USP8: variants seen among roughly 807,000 people sequenced by gnomAD.
USP8 encodes the protein ubiquitin specific peptidase 8, also known as ubiquitin carboxyl-terminal hydrolase 8.
Under a neutral mutation model 130.0 loss-of-function variants are expected in USP8, and 27 were observed. The ratio of observed to expected loss-of-function variants is 0.21; its 90% CI spans 0.15 to 0.29. The LOEUF (loss-of-function observed/expected upper bound fraction) is 0.29. Among genes scored for constraint, USP8 ranks in the 10% least tolerant of loss-of-function variants. USP8 has a pLI of 1.00. For missense variants in USP8, 1,029 were observed against 1,312.2 expected (o/e 0.78, Z 3.33); for synonymous variants, 392 against 444.1 (o/e 0.88, Z 1.48).
chr15:50,495,132 C>G (rs746516452), intron 16 of USP8, among the ~76,000 whole-genome samples: 1 of 151,480 alleles, frequency 6.6e-6, no homozygotes, highest in Non-Finnish European at 1.5e-5. Flanking sequence ...ACTACAACTT[C>G]TTTTTAGCAC....
chr15:50,496,704 T>G (rs549640747), intron 17 of USP8, among the ~76,000 whole-genome samples: 38 of 152,328 alleles, frequency 2.5e-4, no homozygotes, highest in African/African-American at 9.1e-4. Flanking sequence ...TTCATAAGCA[T>G]TTGCTTTACA....
intron 3 of USP8, among the ~76,000 whole-genome samples, chr15:50,445,568 A>AAAAAAAAAAAAAAAAAAAT (rs1248390470): frequency 8.9e-6 from 1 of 112,788 alleles, no homozygotes; most frequent in Non-Finnish European, 1.8e-5. Flanking sequence ...AAAAAAAAAA[A>AAAAAAAAAAAAAAAAAAAT]AGCCTGGGCA....
chr15:50,494,888 G>T (rs2052314887), intron 16 of USP8, among the ~76,000 whole-genome samples: 1 of 152,074 alleles, frequency 6.6e-6, no homozygotes, highest in Non-Finnish European at 1.5e-5. Flanking sequence ...AGTGGCATGT[G>T]CCTGTAATCC....
Position 50,484,265 on chromosome 15 carries a change from A to G in USP8, c.1804-10A>G. 6.3e-7 allele frequency: 1 copy of G among 1,595,920 alleles called. No individual in the cohort carries two copies. The highest frequency in any genetic ancestry group is 8.5e-7 in the Non-Finnish European group (1 of 1,172,062). The stretch of plus-strand genomic sequence containing the variant: ...TTTCTTTCACTTCTGTAATTTTAAT[A>G]ATTTTACAGCCATTTAAGATTAAAG... On this transcript the variant is annotated splice_polypyrimidine_tract_variant and intron_variant, in intron 11 of 19. Coordinates refer to ENST00000307179, the MANE Select transcript of USP8 (RefSeq NM_005154.5).
At chr15:50,433,994 G>T (rs2050016281) in intron 1 of USP8, among the ~76,000 whole-genome samples, 1 of 151,698 alleles carries the variant, frequency 6.6e-6, no homozygotes, top group African/African-American at 2.4e-5. Context: ...TCTTTGTCAG[G>T]TTTACACATC....
intron 5 of USP8, among the ~76,000 whole-genome samples, chr15:50,461,869 G>A (rs1298357469): frequency 6.6e-6 from 1 of 150,614 alleles, no homozygotes; most frequent in East Asian, 2.0e-4. Context: ...AAAAAAAAAT[G>A]TAAACTACAT....
At chr15:50,425,037 G>T (rs2049664949) in intron 1 of USP8, among the ~76,000 whole-genome samples, 1 of 151,428 alleles carries the variant, frequency 6.6e-6, no homozygotes, top group Non-Finnish European at 1.5e-5. Context: ...TCCTAGAGTT[G>T]TGGGACAAGT....
At chr15:50,447,607 G>T (rs1309721862) in intron 3 of USP8, among the ~76,000 whole-genome samples, 1 of 151,108 alleles carries the variant, frequency 6.6e-6, no homozygotes, top group Non-Finnish European at 1.5e-5. Flanking sequence ...TTGTTGCCCG[G>T]GGTAGAGTAC....
rs1381693745 is a variant in USP8, at chr15:50,471,695, G to C, written c.749G>C (p.Arg250Thr). 1 of 1,614,032 alleles carries C rather than the reference G, an allele frequency of 6.2e-7. No homozygotes were observed. The highest frequency in any genetic ancestry group is 8.5e-7 in the Non-Finnish European group (1 of 1,179,984). Residue 250 changes from arginine (R) to threonine (T), a missense_variant, in exon 8 of 20, where the codon AGG (arginine) becomes ACG (threonine). This residue lies in a region of USP8 where 281 missense variants were observed against 336.7 expected (regional missense o/e 0.83). Transcript: ENST00000307179. Reference protein sequence around the residue: ...PDDSKDTWKKRGNVEYVVLLD... With the variant: ...PDDSKDTWKKTGNVEYVVLLD... Reference sequence around the variant, plus strand: ...GATTCTAAAGACACATGGAAGAAGAGGGGGAATGTGGAGTATGTGGTACTT... The same window carrying C: ...GATTCTAAAGACACATGGAAGAAGACGGGGAATGTGGAGTATGTGGTACTT...
chr15:50,443,960 C>T (rs900205041), intron 3 of USP8, among the ~76,000 whole-genome samples: 4 of 152,038 alleles, frequency 2.6e-5, no homozygotes, highest in Admixed American at 6.6e-5. Flanking sequence ...AGTTTTTGCA[C>T]GCTCTGTGAA....
At chr15:50,438,560 G>A (rs1047280048) in intron 1 of USP8, among the ~76,000 whole-genome samples, 1 of 152,136 alleles carries the variant, frequency 6.6e-6, no homozygotes, top group Non-Finnish European at 1.5e-5. Flanking sequence ...ACTACAGCCA[G>A]GGTGACAGGG....
intron 3 of USP8, among the ~76,000 whole-genome samples, chr15:50,442,412 GA>G (rs2050289712): frequency 6.6e-6 from 1 of 152,152 alleles, no homozygotes; most frequent in Non-Finnish European, 1.5e-5. Context: ...GATAAGTGTT[GA>G]TAGAGAAAAT....
At chr15:50,487,127 A>G (rs966076708) in intron 12 of USP8, among the ~76,000 whole-genome samples, 21 of 146,172 alleles carry the variant, frequency 1.4e-4, no homozygotes, top group Admixed American at 2.7e-4. Context: ...CCATCTGGGG[A>G]AAAAAAAAAA....
chr15:50,460,463 C>G (rs1190252372), intron 5 of USP8, among the ~76,000 whole-genome samples: 3 of 151,636 alleles, frequency 2.0e-5, no homozygotes, highest in African/African-American at 7.3e-5. Flanking sequence ...CACCCACCAC[C>G]ATGCCCAGCT....
chr15:50,460,220 A>G (rs963553386), intron 5 of USP8, among the ~76,000 whole-genome samples: 2 of 141,308 alleles, frequency 1.4e-5, no homozygotes, highest in Non-Finnish European at 3.0e-5. Context: ...CTGGTCTCGA[A>G]CTCCTGACCT....
At chr15:50,456,664 T>A (rs535934441) in intron 4 of USP8, among the ~76,000 whole-genome samples, 8 of 152,034 alleles carry the variant, frequency 5.3e-5, no homozygotes, top group Non-Finnish European at 1.0e-4. Context: ...CGAGGGTGGA[T>A]CACTTTAGAC....
At chr15:50,445,900 A>G (rs1014879368) in intron 3 of USP8, among the ~76,000 whole-genome samples, 1 of 152,082 alleles carries the variant, frequency 6.6e-6, no homozygotes, top group Non-Finnish European at 1.5e-5. Context: ...ACATTAATTT[A>G]GCAAGCTCTC....
At chr15:50,461,152 C>T (rs1388366281) in intron 5 of USP8, among the ~76,000 whole-genome samples, 3 of 152,018 alleles carry the variant, frequency 2.0e-5, no homozygotes, top group Non-Finnish European at 2.9e-5. Context: ...ACCACCACGC[C>T]CGGCTAATTT....
chr15:50,439,518 G>T (rs1350265689), intron 2 of USP8, among the ~76,000 whole-genome samples: 3 of 152,166 alleles, frequency 2.0e-5, no homozygotes, highest in Non-Finnish European at 4.4e-5. Flanking sequence ...GCCGGGTGCG[G>T]TGGCTCACGC....
Sources: allele counts gnomAD v4.1 joint callset (sites outside exome capture counted in the v4.1 genomes callset), GRCh38; gene constraint gnomAD v4.1.1; regional missense constraint gnomAD v4.1.1; transcripts MANE v1.5; gene names NCBI Gene and HGNC (gene_info 2026-07-23, HGNC 2026-07-21).